The following ELMO1 variants were observed in gnomAD, a reference collection of about 807,000 sequenced individuals.
The protein encoded by ELMO1 is engulfment and cell motility protein 1.
ELMO1 carries 26 observed loss-of-function variants against 98.9 expected under a neutral mutation model. The ratio of observed to expected loss-of-function variants is 0.26; its 90% CI spans 0.19 to 0.36. The LOEUF is 0.36. ELMO1 is among the 10% of genes least tolerant of loss of function. The probability of loss-of-function intolerance (pLI) is 1.00; values close to 1 mark genes in which losing one functional copy is unlikely to be tolerated. For missense variants in ELMO1, 627 were observed against 935.2 expected (o/e 0.67, Z 4.30); for synonymous variants, 346 against 346.0 (o/e 1.00, Z 0.00).
intron 7 of ELMO1, among the ~76,000 whole-genome samples, chr7:37,234,017 A>G (rs1794323501): frequency 6.6e-6 from 1 of 152,232 alleles, no homozygotes; most frequent in African/African-American, 2.4e-5. Flanking sequence ...TGGTGTCTAC[A>G]GCTTTCAAAA....
At chr7:37,234,790 G>T (rs979228773) in intron 7 of ELMO1, among the ~76,000 whole-genome samples, 6 of 152,216 alleles carry the variant, frequency 3.9e-5, no homozygotes, top group East Asian at 1.9e-4. Context: ...GCAGTGAATT[G>T]TAAGTAGCGT....
At chr7:37,072,073 C>T (rs1232872650) in intron 15 of ELMO1, among the ~76,000 whole-genome samples, 3 of 152,134 alleles carry the variant, frequency 2.0e-5, no homozygotes, top group Non-Finnish European at 4.4e-5. Flanking sequence ...TAATCTAAAA[C>T]TTACAAAAAT....
intron 21 of ELMO1, among the ~76,000 whole-genome samples, chr7:36,858,171 G>A (rs1030921502): frequency 4.6e-5 from 7 of 152,146 alleles, no homozygotes; most frequent in Admixed American, 4.6e-4. Context: ...TATGTAAATT[G>A]TATAACTTTA....
intron 17 of ELMO1, among the ~76,000 whole-genome samples, chr7:36,890,355 C>T (rs1373633166): frequency 1.3e-5 from 2 of 152,174 alleles, no homozygotes; most frequent in Admixed American, 6.5e-5. Context: ...TGGTGAGATT[C>T]CTTCTTTGAC....
At chr7:37,290,103 C>T (rs904374713) in intron 4 of ELMO1, among the ~76,000 whole-genome samples, 3 of 152,168 alleles carry the variant, frequency 2.0e-5, no homozygotes, top group African/African-American at 7.2e-5. Flanking sequence ...CCAGAAAAAG[C>T]ATTTATTTTA....
At chr7:37,417,219 G>C (rs10231979) in intron 1 of ELMO1, among the ~76,000 whole-genome samples, 2 of 152,034 alleles carry the variant, frequency 1.3e-5, no homozygotes, top group Non-Finnish European at 2.9e-5. Flanking sequence ...AGAAAGACAC[G>C]TTGAAGTCCT....
In ELMO1 at chr7:37,053,871, A is replaced by G. The variant is rs6948308; in HGVS notation, c.1301-40436T>C. ...TTATTTGATATAAGTCTACAGAATT[A>G]TATCAAATTAAACAAATCTTGATAT... On this transcript the variant is annotated intron_variant, in intron 15 of 21. Coordinates refer to ENST00000310758, the MANE Select transcript of ELMO1 (RefSeq NM_014800.11). Among the ~76,000 whole-genome samples, 1,423 of 152,348 alleles carry G rather than the reference A, an allele frequency of 9.3e-3. 35 individuals carry two copies. Among genetic ancestry groups the G allele is most frequent in the African/African-American group, 0.033 (1,357 of 41,580 alleles).
chr7:37,151,580 T>C (rs1264145265), intron 13 of ELMO1, among the ~76,000 whole-genome samples: 3 of 152,164 alleles, frequency 2.0e-5, no homozygotes, highest in Non-Finnish European at 2.9e-5. Context: ...AAATGTAATG[T>C]TATCATATGA....
At chr7:37,419,461 G>A (rs912416684) in intron 1 of ELMO1, among the ~76,000 whole-genome samples, 1 of 152,002 alleles carries the variant, frequency 6.6e-6, no homozygotes, top group Non-Finnish European at 1.5e-5. Context: ...GTCCTCTCAG[G>A]GTTGTTGTAA....
At chr7:37,108,177 G>T (rs1450796030) in intron 14 of ELMO1, among the ~76,000 whole-genome samples, 1 of 152,072 alleles carries the variant, frequency 6.6e-6, no homozygotes, top group African/African-American at 2.4e-5. Context: ...CTTTTTAAAT[G>T]GAGTTCATCT....
At chr7:37,444,803 C>T (rs1337492817) in intron 1 of ELMO1, among the ~76,000 whole-genome samples, 4 of 152,308 alleles carry the variant, frequency 2.6e-5, no homozygotes, top group South Asian at 4.1e-4. Flanking sequence ...CGTGAGCCAC[C>T]GCGCCCGGCC....
chr7:37,331,916 C>A (rs1466171296), intron 2 of ELMO1, among the ~76,000 whole-genome samples: 2 of 270 alleles, frequency 7.4e-3, no homozygotes, highest in Admixed American at 0.1. Context: ...ACAACAAGGA[C>A]CGTTTGAATA....
intron 14 of ELMO1, among the ~76,000 whole-genome samples, chr7:37,106,030 C>T (rs980842099): frequency 6.6e-6 from 1 of 152,152 alleles, no homozygotes; most frequent in Non-Finnish European, 1.5e-5. Flanking sequence ...ATGGTATATG[C>T]ACTTCATCTC....
At chr7:36,992,347 T>C (rs147977181) in intron 16 of ELMO1, among the ~76,000 whole-genome samples, 154 of 152,314 alleles carry the variant, frequency 1.0e-3, no homozygotes, top group African/African-American at 3.4e-3. Flanking sequence ...AGCATGGGCC[T>C]GAAGAACAAG....
chr7:37,107,171 T>C (rs1584654603), intron 14 of ELMO1, among the ~76,000 whole-genome samples: 1 of 152,344 alleles, frequency 6.6e-6, no homozygotes, highest in East Asian at 1.9e-4. Flanking sequence ...AAAGTCCATT[T>C]TGAGGGTCTT....
chr7:37,376,006 G>A (rs1802325398), intron 1 of ELMO1: 1 of 505,380 alleles, frequency 2.0e-6, no homozygotes, highest in Non-Finnish European at 3.6e-6. Flanking sequence ...TTGTGAACAT[G>A]GTCAGCCACC....
rs1165904049 is a variant in ELMO1 at position 37,299,134 on chromosome 7, C to CA, written c.192+15715dup. Among the ~76,000 whole-genome samples, 102 of 54,212 alleles carry CA rather than the reference C, an allele frequency of 1.9e-3. 1 individual carries two copies. The highest frequency in any genetic ancestry group is 3.4e-3 in the Non-Finnish European group (89 of 25,966). 35.6% of individuals were successfully genotyped at this position (54,212 alleles called of 152,430 possible). A position where few individuals can be genotyped will look rare whatever the true frequency, so the allele number is the denominator to read the frequency against. On this transcript the variant is annotated intron_variant, in intron 4 of 21. Coordinates refer to ENST00000310758, the MANE Select transcript of ELMO1 (RefSeq NM_014800.11). ...GAAGTGTCTGTTCATGTCCTTCGCCCACTTTTTGATGGGGTTGTTTGTTTT... is the reference window on the plus strand; with the variant it reads ...GAAGTGTCTGTTCATGTCCTTCGCCCAACTTTTTGATGGGGTTGTTTGTTTT...
chr7:37,159,377 T>C (rs1789035868), intron 13 of ELMO1, among the ~76,000 whole-genome samples: 1 of 152,168 alleles, frequency 6.6e-6, no homozygotes, highest in Non-Finnish European at 1.5e-5. Flanking sequence ...TTTCACTTAG[T>C]ATTTTCACAA....
intron 13 of ELMO1, among the ~76,000 whole-genome samples, chr7:37,178,434 CAAAAAAAAAAAAAAA>C (rs1462984684): frequency 7.1e-6 from 1 of 140,256 alleles, no homozygotes; most frequent in Non-Finnish European, 1.5e-5. Context: ...CCCATCTCTT[CAAAAAAAAAAAAAAA>C]GAAAAAATTA....
Sources: allele counts gnomAD v4.1 joint callset (sites outside exome capture counted in the v4.1 genomes callset), GRCh38; gene constraint gnomAD v4.1.1; transcripts MANE v1.5; gene names NCBI Gene and HGNC (gene_info 2026-07-23, HGNC 2026-07-21).